Variants in CCDC171 observed in about 807,000 individuals in gnomAD.
CCDC171 encodes the protein coiled-coil domain containing 171.
CCDC171 carries 177 observed loss-of-function variants against 168.2 expected under a neutral mutation model. That is an observed-to-expected ratio of 1.05 (90% CI 0.93 to 1.19). CCDC171 has a LOEUF of 1.19. CCDC171 is among the 50% of genes most tolerant of loss of function. The pLI is 0.00. For missense variants in CCDC171, 1,991 were observed against 1,539.0 expected (o/e 1.29, Z -4.91); for synonymous variants, 687 against 540.8 (o/e 1.27, Z -3.75).
At chr9:15,755,504 T>C (rs2056050737) in intron 18 of CCDC171, among the ~76,000 whole-genome samples, 1 of 152,136 alleles carries the variant, frequency 6.6e-6, no homozygotes, top group Non-Finnish European at 1.5e-5. Flanking sequence ...ATTGGATACA[T>C]TTGCAAATGT....
chr9:15,947,442 A>G (rs1389756612), intron 25 of CCDC171, among the ~76,000 whole-genome samples: 2 of 152,018 alleles, frequency 1.3e-5, no homozygotes, highest in African/African-American at 4.8e-5. Flanking sequence ...TATAAGTAGA[A>G]TTCTACAGTA....
At chr9:16,009,283 G>A (rs937666118) in intron 3 of CCDC171, among the ~76,000 whole-genome samples, 26 of 152,168 alleles carry the variant, frequency 1.7e-4, no homozygotes, top group African/African-American at 5.3e-4. Flanking sequence ...ACTTCTGTCC[G>A]CTTGAAATAA....
intron 24 of CCDC171, among the ~76,000 whole-genome samples, chr9:15,895,040 G>GA (rs1820728465): frequency 6.6e-6 from 1 of 151,920 alleles, no homozygotes; most frequent in African/African-American, 2.4e-5. Context: ...GCAAATTAAG[G>GA]AAAAAAGTAG....
chr9:15,931,456 CTTTTTTTTTT>C (rs57124025), intron 25 of CCDC171, among the ~76,000 whole-genome samples: 1 of 44,992 alleles, frequency 2.2e-5, no homozygotes, highest in African/African-American at 8.1e-5. Context: ...TTCTTTCTTT[CTTTTTTTTTT>C]TTTTTTTTTT....
chr9:15,655,535 T>C (rs1430855603), intron 7 of CCDC171, among the ~76,000 whole-genome samples: 1 of 152,180 alleles, frequency 6.6e-6, no homozygotes, highest in Non-Finnish European at 1.5e-5. Context: ...AGAAACTGAC[T>C]CTTGCCTGAA....
chr9:15,729,784 C>T lies in CCDC171; in HGVS notation c.2035C>T (p.Gln679Ter). The T allele has an allele frequency of 6.2e-7, 1 of 1,608,612 alleles. No individual in the cohort carries two copies. Among genetic ancestry groups the T allele is most frequent in the South Asian group, 1.1e-5 (1 of 90,304 alleles). Residue 679 changes from glutamine to a stop codon, truncating the protein, a stop_gained, in exon 16 of 26, where the codon CAG (glutamine) becomes TAG (stop). Transcript: ENST00000380701. LOFTEE classifies it high-confidence loss of function. ...GTATTCTGAACTCTTCCTGGAGGTG[C>T]AGAAGAGGGCACAGGTATGCTACCT... ...LQYSELFLEV[Q>*]KRAQKFQEIA... is the part of the protein sequence containing the mutation.
intron 16 of CCDC171, among the ~76,000 whole-genome samples, chr9:15,734,526 AC>A (rs1255927597): frequency 6.6e-6 from 1 of 152,200 alleles, no homozygotes; most frequent in Non-Finnish European, 1.5e-5. Flanking sequence ...CGAAACTCCA[AC>A]AAGAGCGAAA....
intron 9 of CCDC171, among the ~76,000 whole-genome samples, chr9:15,667,178 C>G (rs2048791408): frequency 6.6e-6 from 1 of 151,944 alleles, no homozygotes; most frequent in Non-Finnish European, 1.5e-5. Flanking sequence ...AAAAATAAGT[C>G]AATAGTAGAC....
At chr9:15,839,093 A>G (rs1470410811) in intron 21 of CCDC171, among the ~76,000 whole-genome samples, 1 of 152,172 alleles carries the variant, frequency 6.6e-6, no homozygotes, top group Non-Finnish European at 1.5e-5. Context: ...ACAATTCATC[A>G]TTTCTTTACA....
chr9:16,065,580 A>G (rs935993726), downstream of CCDC171, among the ~76,000 whole-genome samples: 1 of 152,160 alleles, frequency 6.6e-6, no homozygotes, highest in Admixed American at 6.5e-5. Context: ...AGCCACAACC[A>G]TGTGAGCACC....
At chr9:16,079,675 G>C in the CCDC171 span, among the ~76,000 whole-genome samples, 1 of 152,216 alleles carries the variant, frequency 6.6e-6, no homozygotes. Flanking sequence ...CTAATCTCCA[G>C]AACTGTGAGA....
At chr9:16,073,056 C>G in the CCDC171 span, among the ~76,000 whole-genome samples, 12 of 152,190 alleles carry the variant, frequency 7.9e-5, no homozygotes, top group Admixed American at 7.9e-4. Context: ...TTAGTCAAAT[C>G]TGTTTCATGC....
chr9:15,646,919 A>G (rs530330056), intron 7 of CCDC171, among the ~76,000 whole-genome samples: 31 of 152,254 alleles, frequency 2.0e-4, no homozygotes, highest in Admixed American at 7.2e-4. Context: ...CATCTACAGA[A>G]CTCTCCACCC....
intron 6 of CCDC171, among the ~76,000 whole-genome samples, chr9:16,026,899 T>C (rs576050231): frequency 5.9e-5 from 9 of 152,242 alleles, no homozygotes; most frequent in Non-Finnish European, 1.3e-4. Context: ...TATTGTCACT[T>C]TAGATTTCCC....
chr9:15,560,727 C>T (rs902610426), intron 1 of CCDC171, among the ~76,000 whole-genome samples: 1 of 152,168 alleles, frequency 6.6e-6, no homozygotes, highest in Non-Finnish European at 1.5e-5. Flanking sequence ...AAGCCTTCTT[C>T]TCTTAACTCA....
intron 14 of CCDC171, among the ~76,000 whole-genome samples, chr9:15,726,121 T>C (rs1487286883): frequency 6.6e-6 from 1 of 152,178 alleles, no homozygotes; most frequent in Non-Finnish European, 1.5e-5. Flanking sequence ...GAAACATTCT[T>C]TCCACTCTTT....
chr9:16,093,627 A>G, the CCDC171 span, among the ~76,000 whole-genome samples: 2 of 152,200 alleles, frequency 1.3e-5, no homozygotes, highest in Non-Finnish European at 2.9e-5. Flanking sequence ...GATGTTGCCC[A>G]CTGTTTCCCT....
At chr9:16,050,176 C>T (rs1453698309) in intron 1 of CCDC171, among the ~76,000 whole-genome samples, 2 of 146,530 alleles carry the variant, frequency 1.4e-5, no homozygotes, top group South Asian at 2.1e-4. Flanking sequence ...CATGAGCCAC[C>T]GCACCTGGCT....
At chr9:15,837,517 G>A (rs938612267) in intron 21 of CCDC171, among the ~76,000 whole-genome samples, 1 of 152,162 alleles carries the variant, frequency 6.6e-6, no homozygotes, top group African/African-American at 2.4e-5. Flanking sequence ...TACTTCCCCA[G>A]AATATATATT....
Sources: allele counts gnomAD v4.1 joint callset (sites outside exome capture counted in the v4.1 genomes callset), GRCh38; gene constraint gnomAD v4.1.1; transcripts MANE v1.5; gene names NCBI Gene and HGNC (gene_info 2026-07-23, HGNC 2026-07-21).